The following DPY19L2 variants were observed in gnomAD, a reference collection of about 807,000 sequenced individuals.
DPY19L2 encodes the protein probable C-mannosyltransferase DPY19L2.
A neutral mutation model predicts 97.9 loss-of-function variants in DPY19L2; 34 were observed. The ratio of observed to expected loss-of-function variants is 0.35; its 90% CI spans 0.26 to 0.46. DPY19L2 has a LOEUF of 0.46. DPY19L2 is among the 20% of genes least tolerant of loss of function. The pLI is 1.00. For synonymous variants in DPY19L2, 230 were observed against 307.9 expected (o/e 0.75, Z 2.65); for missense variants, 623 against 911.4 (o/e 0.68, Z 4.07).
At chr12:63,595,216 G>C (rs1272385322) in intron 15 of DPY19L2, among the ~76,000 whole-genome samples, 1 of 152,114 alleles carries the variant, frequency 6.6e-6, no homozygotes, top group African/African-American at 2.4e-5. Flanking sequence ...CTGGTATGGT[G>C]GTAGGGAAAC....
intron 8 of DPY19L2, among the ~76,000 whole-genome samples, chr12:63,621,855 A>T (rs899359856): frequency 6.6e-6 from 1 of 152,168 alleles, no homozygotes; most frequent in Non-Finnish European, 1.5e-5. Flanking sequence ...CAGCTGAAGC[A>T]TGTGGAAGTT....
At chr12:63,665,531 G>GT (rs1281574898) in intron 2 of DPY19L2, among the ~76,000 whole-genome samples, 1 of 151,590 alleles carries the variant, frequency 6.6e-6, no homozygotes, top group African/African-American at 2.4e-5. Flanking sequence ...ATAAAGGAAG[G>GT]TTTTAAATGA....
At chr12:63,589,997 G>A (rs1039214450) in intron 16 of DPY19L2, among the ~76,000 whole-genome samples, 2 of 151,976 alleles carry the variant, frequency 1.3e-5, no homozygotes, top group African/African-American at 2.4e-5. Context: ...GTGTGATGAC[G>A]GGTGCCTGTT....
intron 20 of DPY19L2, among the ~76,000 whole-genome samples, 165 bp downstream of exon 20, chr12:63,570,593 C>A (rs1878609567): frequency 6.6e-6 from 1 of 151,194 alleles, no homozygotes; most frequent in African/African-American, 2.4e-5. Flanking sequence ...ATTGTCATTT[C>A]TGGATGGTTA....
chr12:63,646,627 G>C (rs945484189), intron 5 of DPY19L2, among the ~76,000 whole-genome samples: 5 of 152,106 alleles, frequency 3.3e-5, no homozygotes, highest in Non-Finnish European at 5.9e-5. Context: ...AGAGTCTCAA[G>C]GGACGGCACC....
intron 4 of DPY19L2, among the ~76,000 whole-genome samples, chr12:63,653,527 G>A (rs1468137334): frequency 3.9e-5 from 6 of 152,020 alleles, no homozygotes; most frequent in African/African-American, 7.3e-5. Context: ...CAGCCTGGGC[G>A]ACAGAGTGAG....
At chr12:63,625,518 G>C (rs930282439) in intron 7 of DPY19L2, among the ~76,000 whole-genome samples, 1 of 152,122 alleles carries the variant, frequency 6.6e-6, no homozygotes, top group African/African-American at 2.4e-5. Context: ...TCAGCATCTA[G>C]CAGAGCATGG....
rs150639040 is a variant in DPY19L2 at position 63,666,208 on chromosome 12, T to C, written c.338-349A>G. Among the ~76,000 whole-genome samples, 1,283 of 152,208 alleles carry C rather than the reference T, an allele frequency of 8.4e-3. 27 individuals are homozygous for C. The highest frequency in any genetic ancestry group is 0.028 in the African/African-American group (1,171 of 41,516). ...CTTTATATGAAATTTTTAAAAGAAGTAAGTATATACAGTATGCTTCAGGTA... is the reference window on the plus strand; with the variant it reads ...CTTTATATGAAATTTTTAAAAGAAGCAAGTATATACAGTATGCTTCAGGTA... On this transcript the variant is annotated intron_variant, in intron 1 of 21. Transcript: ENST00000324472.
At chr12:63,574,188 G>A (rs1257293084) in intron 19 of DPY19L2, among the ~76,000 whole-genome samples, 1 of 151,992 alleles carries the variant, frequency 6.6e-6, no homozygotes, top group Admixed American at 6.6e-5. Context: ...TGAAGTTAAA[G>A]TTTAGAATTT....
intron 11 of DPY19L2, among the ~76,000 whole-genome samples, chr12:63,613,492 A>G (rs1275847899): frequency 6.6e-6 from 1 of 152,148 alleles, no homozygotes; most frequent in Non-Finnish European, 1.5e-5. Context: ...GAAAAATCCT[A>G]TAGCTAACAC....
upstream of DPY19L2, chr12:63,668,679 C>A (rs1483774667): frequency 4.7e-6 from 2 of 427,786 alleles, no homozygotes; most frequent in Non-Finnish European, 8.5e-6. Flanking sequence ...GGCAGCCCCA[C>A]GCACAGCCCC....
chr12:63,641,171 T>A (rs1322352654), intron 6 of DPY19L2, among the ~76,000 whole-genome samples: 1 of 152,152 alleles, frequency 6.6e-6, no homozygotes, highest in Admixed American at 6.6e-5. Context: ...CCCAAAGTGC[T>A]GAGATTACAG....
intron 6 of DPY19L2, among the ~76,000 whole-genome samples, 168 bp downstream of exon 6, chr12:63,644,235 C>A (rs942015147): frequency 1.3e-5 from 2 of 151,942 alleles, no homozygotes; most frequent in Non-Finnish European, 2.9e-5. Flanking sequence ...GTGACATCTC[C>A]AGTTTCTGGT....
At chr12:63,647,079 C>T (rs184061029) in intron 5 of DPY19L2, among the ~76,000 whole-genome samples, 166 bp downstream of exon 5, 2 of 152,098 alleles carry the variant, frequency 1.3e-5, no homozygotes, top group Admixed American at 1.3e-4. Context: ...AGTACACAGC[C>T]TTCTCAGAAA....
intron 20 of DPY19L2, among the ~76,000 whole-genome samples, chr12:63,570,075 C>A (rs1878516427): frequency 6.6e-6 from 1 of 152,106 alleles, no homozygotes; most frequent in African/African-American, 2.4e-5. Flanking sequence ...GACAGCAGAC[C>A]TAAAACTTTT....
At chr12:63,626,873 G>C (rs969741905) in intron 6 of DPY19L2, among the ~76,000 whole-genome samples, 3 of 152,042 alleles carry the variant, frequency 2.0e-5, no homozygotes, top group African/African-American at 7.2e-5. Context: ...CCGCCTCCTG[G>C]GTTCCAACGA....
At chr12:63,651,994 G>A (rs899203060) in intron 4 of DPY19L2, 4 of 253,666 alleles carry the variant, frequency 1.6e-5, no homozygotes, top group Non-Finnish European at 3.1e-5. Context: ...CAGCCTTTCT[G>A]TCATCATCTC....
intron 12 of DPY19L2, among the ~76,000 whole-genome samples, chr12:63,608,399 T>C (rs1886412104): frequency 6.6e-6 from 1 of 152,206 alleles, no homozygotes; most frequent in African/African-American, 2.4e-5. Flanking sequence ...GAAAGTTAGT[T>C]GTGAAATATG....
At chr12:63,604,840 A>C (rs1305868933) in intron 12 of DPY19L2, among the ~76,000 whole-genome samples, 1 of 152,168 alleles carries the variant, frequency 6.6e-6, no homozygotes, top group South Asian at 2.1e-4. Context: ...CTCAGTGTTG[A>C]CATCTGTTGA....
Sources: gnomAD v4.1 joint callset for allele counts (sites outside exome capture counted in the v4.1 genomes callset) on GRCh38, gnomAD v4.1.1 for gene constraint, MANE v1.5 for transcripts, NCBI Gene and HGNC (gene_info 2026-07-23, HGNC 2026-07-21) for gene names.